SH3RF2: variants seen among roughly 807,000 people sequenced by gnomAD.
The protein encoded by SH3RF2 is E3 ubiquitin-protein ligase SH3RF2.
Under a neutral mutation model 59.0 loss-of-function variants are expected in SH3RF2, and 43 were observed. The observed-to-expected ratio is 0.73, with a 90% confidence interval of 0.57 to 0.94. SH3RF2 has a LOEUF of 0.94. Ranked by LOEUF, SH3RF2 falls within the 40% of genes least tolerant of loss-of-function variation. The probability of loss-of-function intolerance (pLI) is 0.00; values close to 1 mark genes in which losing one functional copy is unlikely to be tolerated. For synonymous variants in SH3RF2, 391 were observed against 391.5 expected (o/e 1.00, Z 0.01); for missense variants, 930 against 940.1 (o/e 0.99, Z 0.14).
At chr5:145,973,788 A>G (rs61616432) in intron 2 of SH3RF2, among the ~76,000 whole-genome samples, 13,067 of 152,242 alleles carry the variant, frequency 0.086, 1,897 homozygotes, top group African/African-American at 0.3. Flanking sequence ...ACTTAGACAT[A>G]TAATTTGATT....
rs568605808 is a variant in SH3RF2 at position 146,050,609 on chromosome 5, T to C, written c.1322+1364T>C. Among the ~76,000 whole-genome samples the C allele has an allele frequency of 3.3e-5, 5 of 152,334 alleles. No homozygotes were observed. The East Asian group carries it at 9.6e-4, about 29-fold the overall frequency. On this transcript the variant is annotated intron_variant, in intron 7 of 9. Transcript: ENST00000359120. ...TGCTTTAATTCATTTAATTGGCAAA[T>C]ATTGAGTGCTAACTACATGGCAGGA...
chr5:146,044,865 T>C (rs1452386972), intron 5 of SH3RF2, among the ~76,000 whole-genome samples: 1 of 152,122 alleles, frequency 6.6e-6, no homozygotes, highest in Non-Finnish European at 1.5e-5. Flanking sequence ...AATAATGTCA[T>C]CACAAGCCCA....
At chr5:146,058,036 A>G (rs187617833) in intron 8 of SH3RF2, among the ~76,000 whole-genome samples, 1 of 151,770 alleles carries the variant, frequency 6.6e-6, no homozygotes, top group Admixed American at 6.6e-5. Context: ...CTCAGTCTAG[A>G]CCACTTAGGT....
intron 2 of SH3RF2, among the ~76,000 whole-genome samples, chr5:145,975,578 G>A (rs1280405368): frequency 6.6e-6 from 1 of 152,214 alleles, no homozygotes; most frequent in Admixed American, 6.5e-5. Flanking sequence ...AGCCCCAGCT[G>A]GTTCCCTCTG....
At position 146,013,998 on chromosome 5, in the gene SH3RF2, C is replaced by T; in HGVS notation, c.996C>T (p.Ser332=). The T allele has an allele frequency of 6.2e-7, 1 of 1,614,156 alleles. No homozygotes were observed. The highest frequency in any genetic ancestry group is 8.5e-7 in the Non-Finnish European group (1 of 1,180,012). ...EISTPVLISS[S]NPSVITQPME... ...GCACCCCAGTGCTCATCAGCTCCAGCAACCCCTCTGTGATCACCCAGCCCA... is the reference window on the plus strand; with the variant it reads ...GCACCCCAGTGCTCATCAGCTCCAGTAACCCCTCTGTGATCACCCAGCCCA... Residue 332 remains serine, a synonymous_variant, in exon 5 of 10, where the codon AGC becomes AGT. Transcript: ENST00000359120.
At chr5:145,961,174 C>CTTTTTTTT (rs869156939) in intron 2 of SH3RF2, among the ~76,000 whole-genome samples, 9 of 90,960 alleles carry the variant, frequency 9.9e-5, no homozygotes, top group African/African-American at 1.8e-4. Context: ...CTGCATCCTC[C>CTTTTTTTT]TTTTTTTTTT....
At chr5:146,022,526 T>C (rs1435065100) in intron 5 of SH3RF2, among the ~76,000 whole-genome samples, 2 of 152,172 alleles carry the variant, frequency 1.3e-5, no homozygotes, top group East Asian at 3.8e-4. Flanking sequence ...TGTCAGCAAG[T>C]GTCTCTTTAA....
intron 7 of SH3RF2, among the ~76,000 whole-genome samples, chr5:146,051,652 CG>C (rs1156878104): frequency 6.6e-6 from 1 of 152,044 alleles, no homozygotes; most frequent in Non-Finnish European, 1.5e-5. Flanking sequence ...CTCCATAAAA[CG>C]AGCATGTTTT....
intron 5 of SH3RF2, among the ~76,000 whole-genome samples, chr5:146,018,919 T>C (rs1339819102): frequency 1.3e-5 from 2 of 152,120 alleles, no homozygotes; most frequent in Non-Finnish European, 2.9e-5. Flanking sequence ...GTTGGCTGCT[T>C]ATATATCTTG....
At chr5:146,027,352 T>C (rs1761565522) in intron 5 of SH3RF2, among the ~76,000 whole-genome samples, 1 of 152,202 alleles carries the variant, frequency 6.6e-6, no homozygotes, top group Non-Finnish European at 1.5e-5. Context: ...CAGTTTTTTC[T>C]GGGAATGCTG....
chr5:146,053,049 GCTCTTATTAA>G (rs1762552281), intron 7 of SH3RF2, among the ~76,000 whole-genome samples: 1 of 152,112 alleles, frequency 6.6e-6, no homozygotes, highest in South Asian at 2.1e-4. Context: ...TTGAACCTAT[GCTCTTATTAA>G]CATCATCACC....
intron 2 of SH3RF2, among the ~76,000 whole-genome samples, chr5:145,956,534 C>A (rs553517632): frequency 5.3e-5 from 8 of 152,310 alleles, no homozygotes; most frequent in Non-Finnish European, 1.0e-4. Flanking sequence ...CCTCAGCCCC[C>A]CAAAGTGCTG....
chr5:146,033,471 T>C (rs569710200), intron 5 of SH3RF2, among the ~76,000 whole-genome samples: 35,697 of 126,920 alleles, frequency 0.28, 6,784 homozygotes, highest in Non-Finnish European at 0.37. Context: ...TTTTTTTTTT[T>C]TTTTTTTTTT....
At chr5:146,051,358 C>G (rs1762489017) in intron 7 of SH3RF2, among the ~76,000 whole-genome samples, 1 of 152,166 alleles carries the variant, frequency 6.6e-6, no homozygotes, top group Admixed American at 6.5e-5. Context: ...ACCAGAATCC[C>G]TGTATTTGCT....
chr5:146,007,170 A>G (rs980729058), intron 4 of SH3RF2, among the ~76,000 whole-genome samples: 2 of 152,184 alleles, frequency 1.3e-5, no homozygotes, highest in African/African-American at 4.8e-5. Context: ...TTAAGTGACC[A>G]GGTTTGGATT....
chr5:146,003,426 T>G (rs1760507008), intron 3 of SH3RF2, among the ~76,000 whole-genome samples: 1 of 152,250 alleles, frequency 6.6e-6, no homozygotes, highest in Admixed American at 6.5e-5. Context: ...TTGGAAAAGT[T>G]TTTTAAAAAT....
chr5:145,989,318 C>T (rs1405681884), intron 2 of SH3RF2, among the ~76,000 whole-genome samples: 1 of 152,146 alleles, frequency 6.6e-6, no homozygotes, highest in East Asian at 1.9e-4. Context: ...TTCCCTAGCT[C>T]ATCCAATAGA....
intron 5 of SH3RF2, among the ~76,000 whole-genome samples, chr5:146,032,395 C>G (rs1580890338): frequency 6.6e-6 from 1 of 152,116 alleles, no homozygotes; most frequent in East Asian, 1.9e-4. Flanking sequence ...ATTGGGTGGT[C>G]TTGAAGCTCT....
intron 5 of SH3RF2, among the ~76,000 whole-genome samples, chr5:146,022,905 ACACACACACACACACAC>A (rs994370886): frequency 2.6e-5 from 4 of 151,422 alleles, no homozygotes; most frequent in African/African-American, 9.7e-5. Context: ...ACACACACAC[ACACACACACACACACAC>A]AATTCCTTAA....
Sources: gnomAD v4.1 joint callset for allele counts (sites outside exome capture counted in the v4.1 genomes callset) on GRCh38, gnomAD v4.1.1 for gene constraint, MANE v1.5 for transcripts, NCBI Gene and HGNC (gene_info 2026-07-23, HGNC 2026-07-21) for gene names.